The following HEMK2 variants were observed in gnomAD, a reference collection of about 807,000 sequenced individuals.
HEMK2 encodes the protein HemK methyltransferase 2, ETF1 glutamine and histone H4 lysine.
the HEMK2 span, among the ~76,000 whole-genome samples, chr21:28,805,639 C>T: frequency 8.4e-4 from 128 of 152,192 alleles, no homozygotes; most frequent in African/African-American, 2.9e-3. Context: ...TGCTTCTGTA[C>T]GACTTTACAT....
chr21:28,752,354 G>A, the HEMK2 span, among the ~76,000 whole-genome samples: 1 of 152,124 alleles, frequency 6.6e-6, no homozygotes, highest in African/African-American at 2.4e-5. Flanking sequence ...TGTCATTCCA[G>A]TTAGTAGTAC....
At chr21:28,861,904 A>T in the HEMK2 span, among the ~76,000 whole-genome samples, 1 of 152,192 alleles carries the variant, frequency 6.6e-6, no homozygotes, top group Non-Finnish European at 1.5e-5. Flanking sequence ...TTCCCGCCAC[A>T]TTACGTTGTG....
chr21:28,577,890 A>G, the HEMK2 span, among the ~76,000 whole-genome samples: 1 of 152,194 alleles, frequency 6.6e-6, no homozygotes, highest in Non-Finnish European at 1.5e-5. Flanking sequence ...CTTACTTTTG[A>G]AGAAGACACC....
chr21:28,661,331 T>C, the HEMK2 span, among the ~76,000 whole-genome samples: 2 of 152,080 alleles, frequency 1.3e-5, no homozygotes, highest in Non-Finnish European at 2.9e-5. Flanking sequence ...AATATTTAGT[T>C]AAGGCTCTAA....
At chr21:28,615,468 G>A in the HEMK2 span, among the ~76,000 whole-genome samples, 1 of 150,790 alleles carries the variant, frequency 6.6e-6, no homozygotes, top group African/African-American at 2.4e-5. Context: ...TAGACCACAG[G>A]ACCAGCAGAG....
the HEMK2 span, among the ~76,000 whole-genome samples, chr21:28,727,383 A>G: frequency 2.6e-5 from 4 of 152,220 alleles, no homozygotes; most frequent in African/African-American, 9.6e-5. Context: ...CTAAGAATCA[A>G]CTCTTTGGTT....
At chr21:28,594,512 T>A in the HEMK2 span, among the ~76,000 whole-genome samples, 1 of 152,174 alleles carries the variant, frequency 6.6e-6, no homozygotes, top group African/African-American at 2.4e-5. Flanking sequence ...TTAATTTTTA[T>A]AAAAGCAGTC....
the HEMK2 span, among the ~76,000 whole-genome samples, chr21:28,742,963 A>C: frequency 1.4e-4 from 22 of 152,310 alleles, no homozygotes; most frequent in African/African-American, 4.3e-4. Context: ...ACAACTTCTT[A>C]GTTCCCATTG....
the HEMK2 span, among the ~76,000 whole-genome samples, chr21:28,730,612 G>C: frequency 6.6e-6 from 1 of 152,090 alleles, no homozygotes; most frequent in South Asian, 2.1e-4. Flanking sequence ...TTGAACTGAG[G>C]CCTCAGTTTC....
At chr21:28,738,596 T>C in the HEMK2 span, among the ~76,000 whole-genome samples, 1 of 152,210 alleles carries the variant, frequency 6.6e-6, no homozygotes, top group Non-Finnish European at 1.5e-5. Context: ...TCTCCCTTTC[T>C]GTGACCCGGG....
At chr21:28,704,929 T>C in the HEMK2 span, among the ~76,000 whole-genome samples, 1 of 152,188 alleles carries the variant, frequency 6.6e-6, no homozygotes, top group African/African-American at 2.4e-5. Flanking sequence ...GCAAACTGCC[T>C]CACTGGCTTC....
chr21:28,790,598 C>T, the HEMK2 span, among the ~76,000 whole-genome samples: 7 of 151,960 alleles, frequency 4.6e-5, no homozygotes, highest in African/African-American at 1.4e-4. Flanking sequence ...GGAACAATTC[C>T]GGGCACAGAG....
chr21:28,759,690 C>T, the HEMK2 span, among the ~76,000 whole-genome samples: 314 of 152,192 alleles, frequency 2.1e-3, no homozygotes, highest in African/African-American at 6.4e-3. Flanking sequence ...GCAGTTTCCC[C>T]CACACTGTTC....
At chr21:28,836,160 A>G in the HEMK2 span, among the ~76,000 whole-genome samples, 1 of 152,218 alleles carries the variant, frequency 6.6e-6, no homozygotes, top group Non-Finnish European at 1.5e-5. Context: ...CATCGCAAAA[A>G]GATCTTCACC....
At chr21:28,668,031 T>C in the HEMK2 span, among the ~76,000 whole-genome samples, 1 of 152,316 alleles carries the variant, frequency 6.6e-6, no homozygotes, top group East Asian at 1.9e-4. Context: ...GGGGAAAATT[T>C]AGTATCAAGA....
chr21:28,616,147 G>A, the HEMK2 span, among the ~76,000 whole-genome samples: 2 of 152,144 alleles, frequency 1.3e-5, no homozygotes, highest in East Asian at 1.9e-4. Flanking sequence ...AGATCAAATT[G>A]TCTAGACATA....
chr21:28,764,731 A>C, the HEMK2 span, among the ~76,000 whole-genome samples: 2 of 152,134 alleles, frequency 1.3e-5, no homozygotes, highest in Non-Finnish European at 2.9e-5. Flanking sequence ...GTCAGGAAAG[A>C]GAGGGAGACA....
At chr21:28,706,991 T>G in the HEMK2 span, among the ~76,000 whole-genome samples, 3 of 152,190 alleles carry the variant, frequency 2.0e-5, no homozygotes, top group African/African-American at 7.2e-5. Flanking sequence ...AAGGTGGAAA[T>G]GACATTTGGA....
At chr21:28,637,161 C>T in the HEMK2 span, among the ~76,000 whole-genome samples, 2 of 152,150 alleles carry the variant, frequency 1.3e-5, no homozygotes, top group East Asian at 1.9e-4. Flanking sequence ...TTTTTCTGTA[C>T]ATAGACTGAC....
Sources: gnomAD v4.1 joint callset for allele counts (sites outside exome capture counted in the v4.1 genomes callset) on GRCh38, gnomAD v4.1.1 for gene constraint, MANE v1.5 for transcripts, NCBI Gene and HGNC (gene_info 2026-07-23, HGNC 2026-07-21) for gene names.